The following MID1 variants were observed in gnomAD, a reference collection of about 807,000 sequenced individuals.
MID1 encodes midline 1.
MID1 carries 7 observed loss-of-function variants against 40.4 expected under a neutral mutation model. The ratio of observed to expected loss-of-function variants is 0.17; its 90% CI spans 0.10 to 0.33. MID1 has a LOEUF of 0.33. Ranked by LOEUF, MID1 falls within the 10% of genes least tolerant of loss-of-function variation. The probability of loss-of-function intolerance (pLI) is 1.00; values close to 1 mark genes in which losing one functional copy is unlikely to be tolerated. For missense variants in MID1, 367 were observed against 558.5 expected (o/e 0.66, Z 3.46); for synonymous variants, 229 against 221.2 (o/e 1.04, Z -0.31).
intron 3 of MID1, among the ~76,000 whole-genome samples, chrX:10,503,017 A>G (rs189332847): frequency 5.4e-5 from 6 of 112,050 alleles, no homozygotes; most frequent in Admixed American, 9.5e-5. Context: ...GAAGTAACTG[A>G]AACAAAACAG....
chrX:10,704,462 G>C (rs1050631586), intron 1 of MID1, among the ~76,000 whole-genome samples: 4 of 108,709 alleles, frequency 3.7e-5, no homozygotes, highest in Non-Finnish European at 5.7e-5. Flanking sequence ...CACTCCTCTT[G>C]TCACCAGTAG....
intron 1 of MID1, among the ~76,000 whole-genome samples, chrX:10,770,628 A>G (rs1235576491): frequency 8.9e-6 from 1 of 112,353 alleles, no homozygotes; most frequent in Non-Finnish European, 1.9e-5. Context: ...TAGGTAGTCC[A>G]TTAGTTTTAA....
At chrX:10,622,736 C>A (rs778073766), upstream of MID1, among the ~76,000 whole-genome samples, 23 of 111,153 alleles carry the variant, frequency 2.1e-4, no homozygotes, top group South Asian at 1.9e-3. Context: ...ATGACCCAGT[C>A]TAAGGTACAG....
intron 1 of MID1, among the ~76,000 whole-genome samples, chrX:10,609,766 G>C (rs1475550055): frequency 2.1e-5 from 2 of 96,309 alleles, no homozygotes; most frequent in Non-Finnish European, 4.0e-5. Context: ...GGCCCAGGCT[G>C]GAGTGCAGTG....
chrX:10,618,662 G>C (rs920202304), intron 1 of MID1, among the ~76,000 whole-genome samples: 1 of 111,237 alleles, frequency 9.0e-6, no homozygotes, highest in Admixed American at 9.6e-5. Context: ...CCAACTTCAC[G>C]TAAATGCCAC....
intron 3 of MID1, among the ~76,000 whole-genome samples, chrX:10,520,556 G>T (rs942221369): frequency 8.9e-6 from 1 of 112,170 alleles, no homozygotes. Context: ...CTGCGTAGAC[G>T]ATCAAAGGGA....
chrX:10,583,012 T>C (rs1479930022), intron 1 of MID1: 1 of 111,651 alleles, frequency 9.0e-6, no homozygotes, highest in Non-Finnish European at 1.9e-5. Flanking sequence ...TGTATATCCA[T>C]TTGGCTTTCT....
At chrX:10,641,848 A>T (rs748258728) in intron 1 of MID1, among the ~76,000 whole-genome samples, 2 of 112,059 alleles carry the variant, frequency 1.8e-5, no homozygotes, top group Non-Finnish European at 3.8e-5. Context: ...CCTGGGATGC[A>T]AGGCTGGTTC....
intron 1 of MID1, among the ~76,000 whole-genome samples, chrX:10,592,893 T>G (rs1056154701): frequency 1.1e-4 from 12 of 112,263 alleles, no homozygotes; most frequent in African/African-American, 3.9e-4. Flanking sequence ...AATCACATAT[T>G]GGATCTAATT....
At position 10,751,063 on chromosome X, in the gene MID1, G is replaced by A. The variant is rs905501204; in HGVS notation, c.-187+82491C>T. Among the ~76,000 whole-genome samples, 11 of 110,239 alleles carry A rather than the reference G, an allele frequency of 1.0e-4. No homozygotes were observed. In the Admixed American group the frequency reaches 1.1e-3, roughly 11 times the overall value. ...GCGGATCACTTGGGGTCAGGAGTTC[G>A]AAACCAGCTTGGCCAACATGGCAAA... is the stretch of plus-strand genomic sequence containing the variant. On this transcript the variant is annotated intron_variant, in intron 1 of 10. Coordinates refer to the MID1 transcript ENST00000380785.
intron 3 of MID1, among the ~76,000 whole-genome samples, chrX:10,518,072 G>A (rs1471725031): frequency 8.9e-6 from 1 of 112,050 alleles, no homozygotes; most frequent in Admixed American, 9.5e-5. Context: ...TAAAGTAACT[G>A]TCCACAGGCA....
At chrX:10,505,630 T>G in intron 3 of MID1, 5 of 753,674 alleles carry the variant, frequency 6.6e-6, no homozygotes, top group Non-Finnish European at 7.8e-6. Flanking sequence ...GTTTGGCATT[T>G]GATGTTGTGG....
At chrX:10,682,735 C>T (rs1164369109) in intron 1 of MID1, among the ~76,000 whole-genome samples, 1 of 111,370 alleles carries the variant, frequency 9.0e-6, no homozygotes, top group Non-Finnish European at 1.9e-5. Context: ...CTACCTTTTC[C>T]CTGATCATTA....
At chrX:10,490,371 C>A (rs188353111) in intron 4 of MID1, among the ~76,000 whole-genome samples, 2 of 111,397 alleles carry the variant, frequency 1.8e-5, no homozygotes. Context: ...ATGAAATTGG[C>A]TTTTGTATTG....
At chrX:10,667,828 G>T (rs1266847201) in intron 1 of MID1, among the ~76,000 whole-genome samples, 2 of 111,814 alleles carry the variant, frequency 1.8e-5, no homozygotes, top group African/African-American at 3.3e-5. Flanking sequence ...AAGATGCCAT[G>T]GATTTAACTC....
chrX:10,620,011 T>C lies in MID1; in HGVS notation c.-57+279A>G, dbSNP rs561087653. Among the ~76,000 whole-genome samples the C allele has an allele frequency of 3.6e-5, 4 of 112,274 alleles. No homozygotes were observed. The South Asian group carries it at 1.5e-3, about 42-fold the overall frequency. ...GGCCGCAAACTGGAATTGATTTACATATATTCTACAAACTGCTTGTAAGCC... is the reference window on the plus strand; with the variant it reads ...GGCCGCAAACTGGAATTGATTTACACATATTCTACAAACTGCTTGTAAGCC... On this transcript the variant is annotated intron_variant, in intron 1 of 9. Transcript: ENST00000317552.
At chrX:10,610,008 G>A (rs758516478) in intron 1 of MID1, among the ~76,000 whole-genome samples, 3 of 112,000 alleles carry the variant, frequency 2.7e-5, no homozygotes, top group South Asian at 3.7e-4. Context: ...GTGAGCCACC[G>A]CGCCCGGCCT....
At chrX:10,605,975 A>G (rs1445149044) in intron 1 of MID1, among the ~76,000 whole-genome samples, 1 of 111,395 alleles carries the variant, frequency 9.0e-6, no homozygotes, top group Non-Finnish European at 1.9e-5. Context: ...CGGGAGATTC[A>G]TATTACAGTA....
At chrX:10,683,683 T>C (rs1012156990) in intron 1 of MID1, among the ~76,000 whole-genome samples, 10 of 109,097 alleles carry the variant, frequency 9.2e-5, no homozygotes, top group African/African-American at 3.3e-4. Flanking sequence ...CTCTGTGATT[T>C]AACATGTGCT....
Sources: gnomAD v4.1 joint callset for allele counts (sites outside exome capture counted in the v4.1 genomes callset) on GRCh38, gnomAD v4.1.1 for gene constraint, MANE v1.5 for transcripts, NCBI Gene and HGNC (gene_info 2026-07-23, HGNC 2026-07-21) for gene names.